The following CLIP1 variants were observed in gnomAD, a reference collection of about 807,000 sequenced individuals.
CLIP1 encodes CAP-Gly domain containing linker protein 1.
In CLIP1, 66 loss-of-function variants were observed where a neutral mutation model predicts 161.6. That is an observed-to-expected ratio of 0.41 (90% confidence interval 0.33 to 0.50). The LOEUF is 0.50. Among genes scored for constraint, CLIP1 ranks in the 20% least tolerant of loss-of-function variants. The pLI is 0.27. For missense variants in CLIP1, 1,376 were observed against 1,702.0 expected, an observed-to-expected ratio of 0.81 and a Z score of 3.37; for synonymous variants, 598 against 626.2, an observed-to-expected ratio of 0.96 and a Z score of 0.67.
intron 20 of CLIP1, among the ~76,000 whole-genome samples, chr12:122,288,871 A>G (rs1486539982): frequency 7.3e-6 from 1 of 136,806 alleles, no homozygotes; most frequent in Non-Finnish European, 1.5e-5. Flanking sequence ...GCTGGAGTGC[A>G]GTGGCGTGAT....
At chr12:122,382,509 GA>G (rs919606367) in intron 1 of CLIP1, among the ~76,000 whole-genome samples, 31 of 135,788 alleles carry the variant, frequency 2.3e-4, no homozygotes, top group Admixed American at 3.7e-4. Context: ...CCTCGAAAAA[GA>G]AAAAAAAAAA....
intron 5 of CLIP1, among the ~76,000 whole-genome samples, chr12:122,356,387 T>C (rs988957052): frequency 6.6e-6 from 1 of 152,220 alleles, no homozygotes; most frequent in African/African-American, 2.4e-5. Flanking sequence ...TAGATTGTCC[T>C]ACAGTCCTTT....
At chr12:122,278,231 A>G in intron 23 of CLIP1, 28 bp from the exon 24 acceptor site, 9 of 1,548,598 alleles carry the variant, frequency 5.8e-6, no homozygotes, top group Non-Finnish European at 7.9e-6. Flanking sequence ...AAAAAAAAAA[A>G]CAAGTGGAGG....
rs534006819 is a variant in CLIP1, at chr12:122,365,616, A to G, written c.658-1509T>C. The G allele has an allele frequency of 3.4e-5, 35 of 1,020,304 alleles. 1 individual carries two copies. Among genetic ancestry groups the G allele is most frequent in the Middle Eastern group, 2.7e-4 (1 of 3,730 alleles). The allele number at this position is 1,020,304 out of a possible 1,614,324, so 63.2% of individuals were successfully genotyped here. On this transcript the variant is annotated intron_variant, in intron 3 of 25. Transcript: ENST00000620786. ...CCTGAGCTGCTGGAACCTATTCCCT[A>G]TGAATTCATGGCATAATAGATGTTA...
chr12:122,346,903 A>G lies in CLIP1; in HGVS notation c.1506+472T>C, dbSNP rs186876159. On this transcript the variant is annotated intron_variant, in intron 10 of 25. Coordinates refer to ENST00000620786, the MANE Select transcript of CLIP1 (RefSeq NM_001247997.2). ...ACTGGGGTGAAAGTTTTTAACTCTC[A>G]TGAAACACAGCCCATGTTTCCATTT... is the stretch of plus-strand genomic sequence containing the variant. Among the ~76,000 whole-genome samples, 573 of 152,342 alleles carry G rather than the reference A, an allele frequency of 3.8e-3. 2 individuals carry two copies. Among genetic ancestry groups the G allele is most frequent in the African/African-American group, 0.013 (548 of 41,576 alleles).
intron 1 of CLIP1, among the ~76,000 whole-genome samples, chr12:122,422,218 G>C (rs1459492432): frequency 6.6e-6 from 1 of 152,120 alleles, no homozygotes; most frequent in Non-Finnish European, 1.5e-5. Context: ...CGGCGCAGGG[G>C]CAAGGAGTCC....
At chr12:122,305,240 T>C (rs1047486215) in intron 20 of CLIP1, among the ~76,000 whole-genome samples, 2 of 152,228 alleles carry the variant, frequency 1.3e-5, no homozygotes, top group African/African-American at 4.8e-5. Flanking sequence ...AAGGTGACTA[T>C]TTCTATAGAA....
At chr12:122,288,916 C>T (rs998976961) in intron 20 of CLIP1, among the ~76,000 whole-genome samples, 1 of 149,296 alleles carries the variant, frequency 6.7e-6, no homozygotes, top group Non-Finnish European at 1.5e-5. Flanking sequence ...CCCGGGTTCA[C>T]GCCATTCTCC....
chr12:122,285,228 C>CTT (rs56813970), intron 21 of CLIP1, among the ~76,000 whole-genome samples: 3 of 136,550 alleles, frequency 2.2e-5, no homozygotes, highest in South Asian at 2.3e-4. Flanking sequence ...GATACCAGTC[C>CTT]TTTTTTTTTT....
rs112297215 is a variant in CLIP1, at chr12:122,409,166, C to A, written c.-107+13355G>T. Among the ~76,000 whole-genome samples the A allele has an allele frequency of 5.2e-3, 787 of 151,062 alleles. 11 individuals are homozygous for A. Among genetic ancestry groups the A allele is most frequent in the African/African-American group, 0.017 (707 of 41,096 alleles). Reference sequence around the variant, plus strand: ...TTTGAGATGGAGTCTTGCTCTGTTGCCCAGGCTGGAATACAGTGGCATGAT... The same window carrying A: ...TTTGAGATGGAGTCTTGCTCTGTTGACCAGGCTGGAATACAGTGGCATGAT... On this transcript the variant is annotated intron_variant, in intron 1 of 25. Transcript: ENST00000620786.
chr12:122,298,771 A>G (rs1950566027), intron 20 of CLIP1, among the ~76,000 whole-genome samples: 1 of 152,056 alleles, frequency 6.6e-6, no homozygotes, highest in South Asian at 2.1e-4. Context: ...CCTGGTCAAC[A>G]TAGCAAAACC....
intron 11 of CLIP1, among the ~76,000 whole-genome samples, chr12:122,339,525 A>AG (rs1491190563): frequency 6.6e-6 from 1 of 151,884 alleles, no homozygotes; most frequent in African/African-American, 2.4e-5. Context: ...TTTAGTAGAC[A>AG]GGGGCCAGGC....
intron 20 of CLIP1, among the ~76,000 whole-genome samples, chr12:122,298,627 C>G (rs1025960912): frequency 6.7e-6 from 1 of 149,246 alleles, no homozygotes; most frequent in African/African-American, 2.5e-5. Flanking sequence ...ATATTTACAT[C>G]TTCAAATACA....
Position 122,278,216 on chromosome 12 carries a change from G to GAAAAAA in CLIP1, c.3917-19_3917-14dup. 2.1e-5 allele frequency: 29 copies of GAAAAAA among 1,362,192 alleles called. No homozygotes were observed. Among genetic ancestry groups the GAAAAAA allele is most frequent in the South Asian group, 3.9e-5 (3 of 77,390 alleles). 84.4% of individuals were successfully genotyped at this position (1,362,192 alleles called of 1,614,324 possible). ...GTGTCTGTATTACCTTATATTTGAG[G>GAAAAAA]AAAAAAAAAAAAAAACAAGTGGAGG... On this transcript the variant is annotated splice_polypyrimidine_tract_variant and intron_variant, in intron 23 of 25. Coordinates refer to ENST00000620786, the MANE Select transcript of CLIP1 (RefSeq NM_001247997.2).
At chr12:122,386,038 C>T (rs1955244613) in intron 1 of CLIP1, among the ~76,000 whole-genome samples, 3 of 152,152 alleles carry the variant, frequency 2.0e-5, no homozygotes, top group African/African-American at 7.2e-5. Context: ...GTAATCCCAG[C>T]ACTTTTGGAG....
Position 122,390,175 on chromosome 12 carries a change from A to T in CLIP1, c.-106-9617T>A, listed in dbSNP as rs1370813209. The stretch of plus-strand genomic sequence containing the variant: ...TCTAATAAATTACACAGTCTCAGAT[A>T]TATATATATATATATATATATAATA... On this transcript the variant is annotated intron_variant, in intron 1 of 25. Coordinates refer to ENST00000620786, the MANE Select transcript of CLIP1 (RefSeq NM_001247997.2). Among the ~76,000 whole-genome samples, 34 of 58,476 alleles carry T rather than the reference A, an allele frequency of 5.8e-4. No individual in the cohort carries two copies. In the East Asian group the frequency reaches 8.6e-3, roughly 15 times the overall value. 38.4% of individuals were successfully genotyped at this position (58,476 alleles called of 152,430 possible).
At chr12:122,415,344 T>C (rs972043785) in intron 1 of CLIP1, among the ~76,000 whole-genome samples, 21 of 151,400 alleles carry the variant, frequency 1.4e-4, no homozygotes, top group Non-Finnish European at 2.1e-4. Context: ...TAGCCGGGTG[T>C]GGTGGCGGGC....
intron 14 of CLIP1, 98 bp downstream of exon 14, chr12:122,333,929 G>T (rs958670917): frequency 1.9e-5 from 14 of 731,892 alleles, no homozygotes; most frequent in Non-Finnish European, 3.1e-5. Flanking sequence ...AAGAGGCTAT[G>T]CCTGAATAGT....
chr12:122,276,706 C>T (rs61954378), intron 24 of CLIP1: 15,909 of 281,312 alleles, frequency 0.057, 546 homozygotes, highest in Middle Eastern at 0.15. Context: ...ATGACTAATA[C>T]ATACAAAGTA....
Sources: gnomAD v4.1 joint callset for allele counts (sites outside exome capture counted in the v4.1 genomes callset) on GRCh38, gnomAD v4.1.1 for gene constraint, MANE v1.5 for transcripts, NCBI Gene and HGNC (gene_info 2026-07-23, HGNC 2026-07-21) for gene names.